Variants in ADORA1 observed in about 807,000 individuals in gnomAD.
ADORA1 encodes the protein adenosine A1 receptor.
Under a neutral mutation model 19.9 loss-of-function variants are expected in ADORA1, and 6 were observed. That is an observed-to-expected ratio of 0.30 (90% CI 0.17 to 0.59). The LOEUF (loss-of-function observed/expected upper bound fraction) is 0.59. Among genes scored for constraint, ADORA1 ranks in the 20% least tolerant of loss-of-function variants. The pLI is 0.87. For synonymous variants in ADORA1, 194 were observed against 188.4 expected, an observed-to-expected ratio of 1.03 and a Z score of -0.24; for missense variants, 302 against 439.2, an observed-to-expected ratio of 0.69 and a Z score of 2.79.
chr1:203,152,347 A>T (rs1033513951), intron 3 of ADORA1, among the ~76,000 whole-genome samples: 65 of 152,138 alleles, frequency 4.3e-4, no homozygotes, highest in African/African-American at 1.5e-3. Context: ...GGCCCTCCCC[A>T]TGTGCCAGCT....
At chr1:203,148,982 A>T (rs1266251870) in intron 3 of ADORA1, among the ~76,000 whole-genome samples, 1 of 151,742 alleles carries the variant, frequency 6.6e-6, no homozygotes, top group African/African-American at 2.4e-5. Context: ...GGTTCAAGCG[A>T]TTCTCCTGCC....
chr1:203,150,464 G>T (rs1654995590), intron 3 of ADORA1, among the ~76,000 whole-genome samples: 1 of 152,218 alleles, frequency 6.6e-6, no homozygotes, highest in Admixed American at 6.5e-5. Context: ...GTGCTTATGT[G>T]GAGGGACACA....
chr1:203,142,730 T>C (rs1017747490), intron 3 of ADORA1, among the ~76,000 whole-genome samples: 1 of 151,944 alleles, frequency 6.6e-6, no homozygotes, highest in Non-Finnish European at 1.5e-5. Context: ...GCTTCCAGGG[T>C]GTGAATAGTT....
chr1:203,150,715 G>T, intron 3 of ADORA1: 8 of 1,289,860 alleles, frequency 6.2e-6, no homozygotes, highest in Non-Finnish European at 8.1e-6. Context: ...TAATGTGGAA[G>T]CACAAGCTGT....
At chr1:203,149,792 C>T (rs889250720) in intron 3 of ADORA1, among the ~76,000 whole-genome samples, 2 of 152,172 alleles carry the variant, frequency 1.3e-5, no homozygotes, top group African/African-American at 2.4e-5. Context: ...CTACTTTCTT[C>T]ACATTTAAGG....
chr1:203,146,486 A>G (rs1654861544), intron 3 of ADORA1, among the ~76,000 whole-genome samples: 2 of 152,026 alleles, frequency 1.3e-5, no homozygotes, highest in South Asian at 2.1e-4. Context: ...AAAATTAGCC[A>G]GATGTGGTGG....
rs1655580960 is a variant in ADORA1 at position 203,167,006 on chromosome 1, A to T, written c.*1106A>T. 6.6e-6 allele frequency: 1 copy of T among 152,530 alleles called. No individual in the cohort carries two copies. The highest frequency in any genetic ancestry group is 2.4e-5 in the African/African-American group (1 of 41,416). The allele number at this position is 152,530 out of a possible 1,614,324, so 9.4% of individuals were successfully genotyped here. On this transcript the variant is annotated 3_prime_UTR_variant, in exon 4 of 4. Coordinates refer to ENST00000337894, the MANE Select transcript of ADORA1 (RefSeq NM_000674.3). ...TGGGGGAAGGCCTTGCTGTCATGTG[A>T]ATCCCTCAATACCCCTAGTATCTGG...
At chr1:203,135,502 A>G (rs1654476851) in intron 3 of ADORA1, among the ~76,000 whole-genome samples, 1 of 152,084 alleles carries the variant, frequency 6.6e-6, no homozygotes, top group South Asian at 2.1e-4. Context: ...TACTAAAAAT[A>G]CAAAAATTAG....
rs945026777 is a variant in ADORA1 at position 203,153,110 on chromosome 1, G to A, written c.342-12151G>A. 4.6e-5 allele frequency among the ~76,000 whole-genome samples: 7 copies of A among 152,134 alleles called. No individual in the cohort carries two copies. In the South Asian group the frequency reaches 1.2e-3, roughly 27 times the overall value. On this transcript the variant is annotated intron_variant, in intron 3 of 3. Transcript: ENST00000337894. The stretch of plus-strand genomic sequence containing the variant: ...CCCACCCAGAGAGAGAGAGAAAAGA[G>A]CTCTCTGCAGGCACACAGGTCTGGG...
At chr1:203,133,962 T>G (rs1332461177) in intron 3 of ADORA1, among the ~76,000 whole-genome samples, 1 of 152,210 alleles carries the variant, frequency 6.6e-6, no homozygotes. Context: ...GGTGACTGTC[T>G]GTGGCTTCTG....
intron 3 of ADORA1, chr1:203,150,085 C>T (rs1343776602): frequency 6.6e-6 from 1 of 152,414 alleles, no homozygotes. Context: ...TTCTGATTAT[C>T]CCACATGGGG....
intron 3 of ADORA1, chr1:203,149,918 C>T (rs1407585758): frequency 6.6e-6 from 1 of 151,954 alleles, no homozygotes; most frequent in East Asian, 1.9e-4. Flanking sequence ...TTTAATCGAG[C>T]ATTTTATATG....
chr1:203,150,536 C>T (rs1654998022), intron 3 of ADORA1: 2 of 1,173,358 alleles, frequency 1.7e-6, no homozygotes, highest in Middle Eastern at 2.6e-4. Context: ...GTCCTGGGGT[C>T]CTTCCTGCTG....
chr1:203,160,970 C>T (rs2102765148), intron 3 of ADORA1, among the ~76,000 whole-genome samples: 2 of 152,360 alleles, frequency 1.3e-5, no homozygotes, highest in South Asian at 4.1e-4. Flanking sequence ...GGCAGCCCTG[C>T]CAGGGTGTCC....
chr1:203,149,685 G>T (rs1011945760), intron 3 of ADORA1, among the ~76,000 whole-genome samples: 1 of 152,198 alleles, frequency 6.6e-6, no homozygotes, highest in African/African-American at 2.4e-5. Flanking sequence ...CCCCTCAGCT[G>T]TGACTGTTGG....
intron 3 of ADORA1, chr1:203,150,833 CT>C: frequency 7.8e-7 from 1 of 1,283,228 alleles, no homozygotes; most frequent in Non-Finnish European, 1.0e-6. Flanking sequence ...TCTGTTGAAT[CT>C]TTTCCAGGGC....
chr1:203,163,512 G>A (rs1655436560), intron 3 of ADORA1, among the ~76,000 whole-genome samples: 3 of 152,144 alleles, frequency 2.0e-5, no homozygotes, highest in African/African-American at 7.2e-5. Context: ...AAGGCCCCTT[G>A]GTGGTGGTGG....
chr1:203,158,323 C>G (rs1655258228), intron 3 of ADORA1, among the ~76,000 whole-genome samples: 1 of 152,226 alleles, frequency 6.6e-6, no homozygotes. Flanking sequence ...CCACCAAGTT[C>G]TTTACAACTA....
At chr1:203,129,300 A>G in intron 3 of ADORA1, 118 bp downstream of exon 3, 1 of 1,467,180 alleles carries the variant, frequency 6.8e-7, no homozygotes. Context: ...TCTTTGGGCC[A>G]TCGTGCTCCA....
Sources: allele counts gnomAD v4.1 joint callset (sites outside exome capture counted in the v4.1 genomes callset), GRCh38; gene constraint gnomAD v4.1.1; transcripts MANE v1.5; gene names NCBI Gene and HGNC (gene_info 2026-07-23, HGNC 2026-07-21).